SKIC3: variants seen among roughly 807,000 people sequenced by gnomAD.
SKIC3 encodes SKI3 subunit of superkiller complex.
the SKIC3 span, among the ~76,000 whole-genome samples, chr5:95,488,652 C>A: frequency 6.6e-6 from 1 of 152,110 alleles, no homozygotes; most frequent in African/African-American, 2.4e-5. Context: ...CACCACTAGA[C>A]CAGTCCTACA....
At chr5:95,550,890 T>C in the SKIC3 span, 1 of 152,114 alleles carries the variant, frequency 6.6e-6, no homozygotes, top group South Asian at 2.1e-4. Context: ...AGGAAACTTC[T>C]ACAAGAGATC....
At chr5:95,503,774 G>A in the SKIC3 span, 1,480 of 1,610,740 alleles carry the variant, frequency 9.2e-4, 2 homozygotes, top group African/African-American at 5.5e-3. Flanking sequence ...GATTAAACTC[G>A]ACTCTAAATG....
chr5:95,553,450 G>C, the SKIC3 span, among the ~76,000 whole-genome samples: 2 of 152,180 alleles, frequency 1.3e-5, no homozygotes, highest in African/African-American at 4.8e-5. Context: ...TTTTATGAGA[G>C]AGCCCACTTG....
the SKIC3 span, chr5:95,523,478 G>A: frequency 8.6e-7 from 1 of 1,166,328 alleles, no homozygotes. Context: ...ACAATAAGTG[G>A]TTAGTAATTT....
At chr5:95,489,562 T>A in the SKIC3 span, among the ~76,000 whole-genome samples, 1 of 143,288 alleles carries the variant, frequency 7.0e-6, no homozygotes, top group Non-Finnish European at 1.5e-5. Context: ...ACAACTGACA[T>A]GCTAACAAAG....
chr5:95,503,246 T>C, the SKIC3 span, among the ~76,000 whole-genome samples: 1 of 152,220 alleles, frequency 6.6e-6, no homozygotes, highest in Non-Finnish European at 1.5e-5. Context: ...ACGTTCGGAA[T>C]CTATATGGGG....
At chr5:95,502,345 T>A in the SKIC3 span, among the ~76,000 whole-genome samples, 1 of 152,168 alleles carries the variant, frequency 6.6e-6, no homozygotes, top group African/African-American at 2.4e-5. Context: ...GGAATTCAGG[T>A]CACTTTTCAA....
the SKIC3 span, among the ~76,000 whole-genome samples, chr5:95,509,151 C>T: frequency 6.6e-6 from 1 of 152,034 alleles, no homozygotes; most frequent in African/African-American, 2.4e-5. Context: ...GGAAAGGAGT[C>T]AAAACAATTA....
the SKIC3 span, among the ~76,000 whole-genome samples, chr5:95,497,181 C>T: frequency 2.2e-4 from 33 of 152,120 alleles, no homozygotes; most frequent in African/African-American, 7.2e-4. Flanking sequence ...CTTTGTAGCT[C>T]CCACTTCTTT....
the SKIC3 span, among the ~76,000 whole-genome samples, chr5:95,533,399 T>G: frequency 6.6e-6 from 1 of 152,138 alleles, no homozygotes; most frequent in African/African-American, 2.4e-5. Context: ...ACCTTACAGA[T>G]TCTCAGAAGT....
At chr5:95,486,522 G>T in the SKIC3 span, among the ~76,000 whole-genome samples, 1 of 152,098 alleles carries the variant, frequency 6.6e-6, no homozygotes, top group African/African-American at 2.4e-5. Context: ...TGGCAGCCCG[G>T]CATCACTCTG....
the SKIC3 span, among the ~76,000 whole-genome samples, chr5:95,498,145 C>T: frequency 0.019 from 2,897 of 152,136 alleles, 37 homozygotes; most frequent in Non-Finnish European, 0.029. Context: ...TGGGCCTTAA[C>T]CTGACTAAGG....
the SKIC3 span, chr5:95,495,283 G>A: frequency 3.6e-5 from 15 of 418,284 alleles, no homozygotes; most frequent in East Asian, 4.1e-4. Flanking sequence ...TTTTACCAAC[G>A]AAATGTACAC....
the SKIC3 span, among the ~76,000 whole-genome samples, chr5:95,537,464 A>C: frequency 6.6e-6 from 1 of 152,348 alleles, no homozygotes; most frequent in Non-Finnish European, 1.5e-5. Context: ...TATAGCTGCT[A>C]CTGCTCACAT....
chr5:95,541,408 C>G, the SKIC3 span: 327 of 1,598,472 alleles, frequency 2.0e-4, no homozygotes, highest in Non-Finnish European at 2.6e-4. Context: ...CACACACACA[C>G]AAAAGGATTT....
chr5:95,512,682 G>T, the SKIC3 span: 1 of 1,585,780 alleles, frequency 6.3e-7, no homozygotes, highest in Non-Finnish European at 8.6e-7. Context: ...ATTATAATAA[G>T]AAGTAAAACA....
the SKIC3 span, chr5:95,537,218 A>ATTT: frequency 4.8e-6 from 6 of 1,242,264 alleles, no homozygotes; most frequent in Non-Finnish European, 7.0e-6. Context: ...TCTCTTACAC[A>ATTT]AACTACACGT....
chr5:95,496,575 T>C, the SKIC3 span, among the ~76,000 whole-genome samples: 2 of 152,144 alleles, frequency 1.3e-5, no homozygotes, highest in South Asian at 4.2e-4. Context: ...TAGTCCCAGA[T>C]TGATGGACCT....
At chr5:95,513,113 GTTCT>G in the SKIC3 span, 9 of 179,906 alleles carry the variant, frequency 5.0e-5, no homozygotes, top group Non-Finnish European at 9.5e-5. Flanking sequence ...AAAAATGGTA[GTTCT>G]TTAATTCGAG....
Sources: gnomAD v4.1 joint callset for allele counts (sites outside exome capture counted in the v4.1 genomes callset) on GRCh38, gnomAD v4.1.1 for gene constraint, MANE v1.5 for transcripts, NCBI Gene and HGNC (gene_info 2026-07-23, HGNC 2026-07-21) for gene names.